CLUL1: variants seen among roughly 807,000 people sequenced by gnomAD.
The protein encoded by CLUL1 is clusterin-like protein 1.
A neutral mutation model predicts 49.4 loss-of-function variants in CLUL1; 43 were observed. The ratio of observed to expected loss-of-function variants is 0.87; its 90% CI spans 0.68 to 1.12. CLUL1 has a LOEUF of 1.12. Ranked by LOEUF, CLUL1 falls within the 50% of genes most tolerant of loss-of-function variation. CLUL1 has a pLI of 0.00. For missense variants in CLUL1, 486 were observed against 544.4 expected (o/e 0.89, Z 1.07); for synonymous variants, 192 against 184.9 (o/e 1.04, Z -0.31).
chr18:614,325 AGGAAGGGAG>A lies in CLUL1; in HGVS notation c.-13-3656_-13-3648del, dbSNP rs1349791405. ...AGGGAGGAAGGAAGGGAGGGAGGGA[AGGAAGGGAG>A]GGAAGGAAGGAAGGAAAGAAGGAAG... is the stretch of plus-strand genomic sequence containing the variant. On this transcript the variant is annotated intron_variant, in intron 2 of 9. Transcript: ENST00000692774. Among the ~76,000 whole-genome samples the A allele has an allele frequency of 5.1e-3, 476 of 92,892 alleles. 4 individuals carry two copies. The highest frequency in any genetic ancestry group is 0.015 in the African/African-American group (456 of 31,312). The allele number at this position is 92,892 out of a possible 152,430, so 60.9% of individuals were successfully genotyped here.
Position 625,518 on chromosome 18 carries a change from AACACACAC to A in CLUL1, c.423+521_423+528del, listed in dbSNP as rs3221054. The stretch of plus-strand genomic sequence containing the variant: ...TCAACATGCTTGCCTCCTTATGCAT[AACACACAC>A]ACACACACACACACACACACACACA... On this transcript the variant is annotated intron_variant, in intron 5 of 9. Coordinates refer to ENST00000692774, the MANE Select transcript of CLUL1 (RefSeq NM_001393344.1). Among the ~76,000 whole-genome samples the A allele has an allele frequency of 6.7e-3, 970 of 143,928 alleles. 3 individuals carry two copies. Among genetic ancestry groups the A allele is most frequent in the African/African-American group, 7.6e-3 (293 of 38,764 alleles). The allele number at this position is 143,928 out of a possible 152,430, so 94.4% of individuals were successfully genotyped here. A position where few individuals can be genotyped will look rare whatever the true frequency, so the allele number is the denominator to read the frequency against.
intron 9 of CLUL1, among the ~76,000 whole-genome samples, chr18:646,620 G>C (rs1567980558): frequency 6.6e-6 from 1 of 151,946 alleles, no homozygotes; most frequent in African/African-American, 2.4e-5. Flanking sequence ...TTCTGGTAGG[G>C]AAGATACTTC....
At chr18:608,259 G>A (rs1041447176) in intron 2 of CLUL1, among the ~76,000 whole-genome samples, 5 of 152,052 alleles carry the variant, frequency 3.3e-5, no homozygotes, top group South Asian at 2.1e-4. Flanking sequence ...AGGCAACCAC[G>A]GTCCCCGCTC....
intron 2 of CLUL1, chr18:616,789 T>A: frequency 1.6e-6 from 1 of 633,644 alleles, no homozygotes; most frequent in East Asian, 1.4e-4. Flanking sequence ...TTAATAAGTT[T>A]TGTTTTGTAA....
At chr18:630,136 C>T (rs3016815) in intron 6 of CLUL1, among the ~76,000 whole-genome samples, 152,140 of 152,288 alleles carry the variant, frequency 1, 75,996 homozygotes, top group Non-Finnish European at 1. Flanking sequence ...TGAGACAGAG[C>T]CTTGCTCTGT....
At chr18:647,200 A>C (rs2074532954) in intron 9 of CLUL1, among the ~76,000 whole-genome samples, 1 of 151,628 alleles carries the variant, frequency 6.6e-6, no homozygotes, top group Non-Finnish European at 1.5e-5. Flanking sequence ...TAGAGCATCT[A>C]GGTACTGAGG....
At chr18:619,386 G>C (rs1224520504) in intron 4 of CLUL1, 25 bp downstream of exon 4, 2 of 1,596,378 alleles carry the variant, frequency 1.3e-6, no homozygotes, top group Non-Finnish European at 1.7e-6. Flanking sequence ...AATAATGTCT[G>C]TTCTTACACA....
intron 2 of CLUL1, among the ~76,000 whole-genome samples, chr18:617,366 G>T (rs963730271): frequency 6.6e-6 from 1 of 152,070 alleles, no homozygotes; most frequent in Non-Finnish European, 1.5e-5. Flanking sequence ...AGGCCGAGGG[G>T]GGCGGATCAC....
rs113658227 is a variant in CLUL1, at chr18:617,430, A to C, written c.-13-558A>C. ...ACCCACATGGAGAAACTCCATCTCTACTAAAAATACAAAATTAACCGGGCT... is the reference window on the plus strand; with the variant it reads ...ACCCACATGGAGAAACTCCATCTCTCCTAAAAATACAAAATTAACCGGGCT... On this transcript the variant is annotated intron_variant, in intron 2 of 9. Transcript: ENST00000692774. Among the ~76,000 whole-genome samples, 859 of 152,112 alleles carry C rather than the reference A, an allele frequency of 5.6e-3. 10 individuals are homozygous for C. Among genetic ancestry groups the C allele is most frequent in the African/African-American group, 0.02 (810 of 41,484 alleles).
chr18:630,710 CAG>C (rs2073971237), intron 6 of CLUL1, among the ~76,000 whole-genome samples: 1 of 97,868 alleles, frequency 1.0e-5, no homozygotes, highest in African/African-American at 4.3e-5. Context: ...TTTTTTGAGA[CAG>C]AGTCTCGCTC....
At chr18:640,174 C>A (rs1354233012) in intron 7 of CLUL1, among the ~76,000 whole-genome samples, 1 of 151,908 alleles carries the variant, frequency 6.6e-6, no homozygotes, top group Non-Finnish European at 1.5e-5. Context: ...TTGGGTGGAC[C>A]CCTTAGACAA....
At chr18:624,809 A>C in intron 4 of CLUL1, 56 bp from the exon 5 acceptor site, 28 of 1,510,816 alleles carry the variant, frequency 1.9e-5, no homozygotes, top group Non-Finnish European at 2.3e-5. Context: ...GAAATCAACT[A>C]AGGTGCACAT....
chr18:618,188 A>C lies in CLUL1; in HGVS notation c.106+82A>C. On this transcript the variant is annotated intron_variant, in intron 3 of 9. Coordinates refer to ENST00000692774, the MANE Select transcript of CLUL1 (RefSeq NM_001393344.1). This position sits in a 1 kb window ranked among gnomAD's most constrained non-coding sequence, Gnocchi z 4.2. ...GCGTTTATAGTGAGTCGCAGTTGAGAGATAACCATATTCGCTGTTTTCACG... is the reference window on the plus strand; with the variant it reads ...GCGTTTATAGTGAGTCGCAGTTGAGCGATAACCATATTCGCTGTTTTCACG... The C allele has an allele frequency of 9.8e-7, 1 of 1,024,284 alleles. No homozygotes were observed. The highest frequency in any genetic ancestry group is 1.5e-6 in the Non-Finnish European group (1 of 659,440). The allele number at this position is 1,024,284 out of a possible 1,614,324, so 63.4% of individuals were successfully genotyped here. A position where few individuals can be genotyped will look rare whatever the true frequency, so the allele number is the denominator to read the frequency against.
Position 633,315 on chromosome 18 carries a change from C to T in CLUL1, c.874C>T (p.Leu292=). The T allele has an allele frequency of 1.2e-6, 2 of 1,612,738 alleles. No individual in the cohort carries two copies. The highest frequency in any genetic ancestry group is 8.5e-7 in the Non-Finnish European group (1 of 1,179,176). The change falls in exon 7 of 10, where the codon CTG becomes TTG. Residue 292 remains leucine, a synonymous_variant. Coordinates refer to ENST00000692774, the MANE Select transcript of CLUL1 (RefSeq NM_001393344.1). ...CCCTGTAGCTCCTGACCACGGAGGC[C>T]TGATTTCAAAGATGTTACCTGGGCA... is the stretch of plus-strand genomic sequence containing the variant. The part of the protein sequence containing the change: ...KQDKAPDHGG[L]ISKMLPGQDR...
At chr18:639,547 T>G (rs1304445402) in intron 7 of CLUL1, among the ~76,000 whole-genome samples, 2 of 150,328 alleles carry the variant, frequency 1.3e-5, no homozygotes, top group East Asian at 4.0e-4. Flanking sequence ...GGGCAATCAC[T>G]TAAGGCCAGG....
At chr18:626,916 A>G (rs1285978302) in intron 5 of CLUL1, among the ~76,000 whole-genome samples, 181 bp from the exon 6 acceptor site, 1 of 1,522 alleles carries the variant, frequency 6.6e-4, no homozygotes, top group African/African-American at 7.1e-4. Flanking sequence ...AGAAAGAAAG[A>G]AAGAAAGAAA....
chr18:620,926 C>T (rs2073472404), intron 4 of CLUL1, among the ~76,000 whole-genome samples: 1 of 152,044 alleles, frequency 6.6e-6, no homozygotes, highest in Non-Finnish European at 1.5e-5. Flanking sequence ...AAAACTGTAA[C>T]AAAAATAATT....
Position 613,486 on chromosome 18 carries a change from G to A in CLUL1, c.-13-4502G>A, listed in dbSNP as rs551695053. 9.6e-5 allele frequency among the ~76,000 whole-genome samples: 14 copies of A among 145,478 alleles called. No individual in the cohort carries two copies. In the East Asian group the frequency reaches 1.6e-3, roughly 17 times the overall value. Reference sequence around the variant, plus strand: ...TTTTTTTTTTTTGAGATGGAGTCTCGCTCTGTTGCCCAGGCTGGAGTGCAG... The same window carrying A: ...TTTTTTTTTTTTGAGATGGAGTCTCACTCTGTTGCCCAGGCTGGAGTGCAG... On this transcript the variant is annotated intron_variant, in intron 2 of 9. Coordinates refer to ENST00000692774, the MANE Select transcript of CLUL1 (RefSeq NM_001393344.1).
rs557572063 is a variant in CLUL1, at chr18:619,243, A to T, written c.137A>T (p.Asp46Val). The T allele has an allele frequency of 2.1e-4, 341 of 1,614,014 alleles. 9 individuals carry two copies. The South Asian group carries it at 3.6e-3, about 17-fold the overall frequency. ...TCTGAGGTGGGGGAGATAGATGCAGATGAAGAGGTGAAGAAGGCTTTGACT... is the reference window on the plus strand; with the variant it reads ...TCTGAGGTGGGGGAGATAGATGCAGTTGAAGAGGTGAAGAAGGCTTTGACT... ...SFSEVGEIDA[D>V]EEVKKALTGI... Residue 46 changes from aspartate to valine, a missense_variant, in exon 4 of 10, where the codon GAT becomes GTT. Asp to Val is a radical substitution (Grantham distance 152). Coordinates refer to ENST00000692774, the MANE Select transcript of CLUL1 (RefSeq NM_001393344.1).
Sources: allele counts gnomAD v4.1 joint callset (sites outside exome capture counted in the v4.1 genomes callset), GRCh38; gene constraint gnomAD v4.1.1; non-coding constraint Gnocchi (gnomAD v3.1); transcripts MANE v1.5; gene names NCBI Gene and HGNC (gene_info 2026-07-23, HGNC 2026-07-21).